Variants in KIFC3 observed in about 807,000 individuals in gnomAD.
KIFC3 encodes the protein kinesin-like protein KIFC3.
KIFC3 carries 60 observed loss-of-function variants against 101.8 expected under a neutral mutation model. That is an observed-to-expected ratio of 0.59 (90% CI 0.48 to 0.73). The LOEUF is 0.73. Among genes scored for constraint, KIFC3 ranks in the 30% least tolerant of loss-of-function variants. The pLI is 0.00. For synonymous variants in KIFC3, 476 were observed against 482.7 expected, an observed-to-expected ratio of 0.99 and a Z score of 0.18; for missense variants, 966 against 1,137.1, an observed-to-expected ratio of 0.85 and a Z score of 2.16.
Position 57,798,093 on chromosome 16 carries a change from C to G in KIFC3, c.151G>C (p.Gly51Arg), listed in dbSNP as rs782704437. ...TCACCAGTTCTCAACCTCCCCGGGC[C>G]GGTGTGTGGGAAAGGGCGGGCGGCC... ...SPAARPFPHT[G>R]PGRLRTGRGK... Residue 51 changes from glycine (G) to arginine (R), a missense_variant, in exon 2 of 20, where the codon GGC becomes CGC. Coordinates refer to ENST00000445690, the MANE Select transcript of KIFC3 (RefSeq NM_001130100.2). The G allele has an allele frequency of 7.5e-6, 12 of 1,592,302 alleles. No homozygotes were observed. Among genetic ancestry groups the G allele is most frequent in the Non-Finnish European group, 1.0e-5 (12 of 1,169,926 alleles).
In KIFC3 at chr16:57,815,653, A is replaced by C. The variant is rs1363895856; in HGVS notation, c.109-17371T>G. 7.0e-6 allele frequency: 9 copies of C among 1,289,662 alleles called. No homozygotes were observed. The East Asian group carries it at 4.4e-4, about 64-fold the overall frequency. The allele number at this position is 1,289,662 out of a possible 1,614,324, so 79.9% of individuals were successfully genotyped here. A position where few individuals can be genotyped will look rare whatever the true frequency, so the allele number is the denominator to read the frequency against. ...AACGGAGGCTCCAAAAACGTAAGTGAAGTGGGTATTCCTGCTAAACACTCC... is the reference window on the plus strand; with the variant it reads ...AACGGAGGCTCCAAAAACGTAAGTGCAGTGGGTATTCCTGCTAAACACTCC... On this transcript the variant is annotated intron_variant, in intron 1 of 2. Coordinates refer to the KIFC3 transcript ENST00000563028.
At chr16:57,783,488 T>TTA (rs2052976645) in intron 3 of KIFC3, among the ~76,000 whole-genome samples, 2 of 151,378 alleles carry the variant, frequency 1.3e-5, no homozygotes, top group African/African-American at 4.9e-5. Flanking sequence ...TTTTTTTTTT[T>TTA]TGAGACAGAG....
At chr16:57,764,272 T>TGGGG in intron 11 of KIFC3, 25 bp from the exon 12 acceptor site, 3 of 495,516 alleles carry the variant, frequency 6.1e-6, no homozygotes, top group Non-Finnish European at 8.0e-6. Context: ...GGAGGGAGGC[T>TGGGG]GGTGGGGGGG....
chr16:57,806,077 C>A (rs2054929178), upstream of KIFC3, among the ~76,000 whole-genome samples: 1 of 152,152 alleles, frequency 6.6e-6, no homozygotes, highest in Non-Finnish European at 1.5e-5. Flanking sequence ...CTTTACTGCT[C>A]AGGCATTCGT....
intron 1 of KIFC3, among the ~76,000 whole-genome samples, chr16:57,837,581 G>GAAAGAAAGAAAGAAAGAAAGAAAGAA (rs1458271827): frequency 2.8e-4 from 42 of 151,540 alleles, no homozygotes; most frequent in African/African-American, 7.6e-4. Context: ...AAGAAAGAAA[G>GAAAGAAAGAAAGAAAGAAAGAAAGAA]AGTAGCAGTA....
At chr16:57,820,818 A>G (rs1398558560) in intron 1 of KIFC3, among the ~76,000 whole-genome samples, 1 of 152,228 alleles carries the variant, frequency 6.6e-6, no homozygotes, top group Admixed American at 6.5e-5. Flanking sequence ...GAATAAATGA[A>G]TGAATTCAAT....
At chr16:57,803,010 C>T (rs1555626114), upstream of KIFC3, 10 of 1,535,802 alleles carry the variant, frequency 6.5e-6, no homozygotes, top group South Asian at 1.1e-4. Context: ...CGCTGGCGCA[C>T]ATGCACTCAC....
intron 3 of KIFC3, among the ~76,000 whole-genome samples, chr16:57,785,996 C>T (rs1264596867): frequency 3.9e-5 from 6 of 152,136 alleles, no homozygotes; most frequent in South Asian, 2.1e-4. Flanking sequence ...TGCAAGGAAT[C>T]GCAGCTGGGA....
At chr16:57,859,483 T>C (rs1324591739) in intron 1 of KIFC3, among the ~76,000 whole-genome samples, 4 of 152,190 alleles carry the variant, frequency 2.6e-5, no homozygotes, top group African/African-American at 9.7e-5. Context: ...AGAGTCTCAC[T>C]AAGGAGATAC....
intron 2 of KIFC3, 52 bp downstream of exon 2, chr16:57,798,020 T>C: frequency 6.4e-7 from 1 of 1,555,156 alleles, no homozygotes; most frequent in Non-Finnish European, 8.7e-7. Flanking sequence ...TCATCTCTGG[T>C]ATCTGGAGGA....
intron 1 of KIFC3, among the ~76,000 whole-genome samples, chr16:57,854,990 C>G (rs544935576): frequency 6.6e-6 from 1 of 151,930 alleles, no homozygotes; most frequent in Non-Finnish European, 1.5e-5. Context: ...GAAGTCAAGG[C>G]GGGAGAATCA....
At chr16:57,818,682 C>G (rs1338554572) in intron 1 of KIFC3, among the ~76,000 whole-genome samples, 1 of 152,060 alleles carries the variant, frequency 6.6e-6, no homozygotes, top group Non-Finnish European at 1.5e-5. Context: ...CTTTTGACCC[C>G]CAGATCCAGT....
In KIFC3 at chr16:57,758,298, GA is replaced by G. The variant is rs1344743172; in HGVS notation, c.*635del. ...TTCTTAAATAGGATTTCAGAGGGAA[GA>G]AAATTCGAGAGACCAGCGAGCCAGG... On this transcript the variant is annotated 3_prime_UTR_variant, in exon 20 of 20. Transcript: ENST00000445690. 4 of 244,514 alleles carry G rather than the reference GA, an allele frequency of 1.6e-5. No individual in the cohort carries two copies. Among genetic ancestry groups the G allele is most frequent in the African/African-American group, 9.3e-5 (4 of 43,070 alleles). The allele number at this position is 244,514 out of a possible 1,614,324, so 15.1% of individuals were successfully genotyped here.
chr16:57,838,136 C>T (rs1422109157), intron 1 of KIFC3, among the ~76,000 whole-genome samples: 1 of 152,118 alleles, frequency 6.6e-6, no homozygotes, highest in Non-Finnish European at 1.5e-5. Flanking sequence ...CTGTACCAAA[C>T]CACACAATGC....
At chr16:57,850,358 G>GAGCC (rs1293622524) in intron 1 of KIFC3, among the ~76,000 whole-genome samples, 1 of 149,800 alleles carries the variant, frequency 6.7e-6, no homozygotes, top group Admixed American at 6.7e-5. Flanking sequence ...AGCCATGATT[G>GAGCC]AGCCACTGGA....
At position 57,769,326 on chromosome 16, in the gene KIFC3, G is replaced by A. The variant is rs900400669; in HGVS notation, c.1218+269C>T. Among the ~76,000 whole-genome samples the A allele has an allele frequency of 3.3e-5, 5 of 152,228 alleles. No individual in the cohort carries two copies. Among genetic ancestry groups the A allele is most frequent in the African/African-American group, 9.6e-5 (4 of 41,456 alleles). On this transcript the variant is annotated intron_variant, in intron 9 of 19. Transcript: ENST00000445690. This position sits in a 1 kb window ranked among gnomAD's most constrained non-coding sequence, Gnocchi z 4.3. ...GTTGGAATTACAGGTGTGAGCCACC[G>A]CGCCTGGCCTGCATGTTTGAAATAT... is the stretch of plus-strand genomic sequence containing the variant.
At chr16:57,859,656 A>G (rs2056252588) in intron 1 of KIFC3, among the ~76,000 whole-genome samples, 1 of 152,152 alleles carries the variant, frequency 6.6e-6, no homozygotes, top group African/African-American at 2.4e-5. Flanking sequence ...CACCAGTTAC[A>G]GTGGGAGGGC....
At chr16:57,807,650 A>G (rs1351555393), upstream of KIFC3, 1 of 152,216 alleles carries the variant, frequency 6.6e-6, no homozygotes, top group African/African-American at 2.4e-5. Context: ...CAGAGAACCA[A>G]GGCAATCTTT....
intron 1 of KIFC3, among the ~76,000 whole-genome samples, chr16:57,808,408 C>T (rs1283394073): frequency 1.3e-5 from 2 of 152,088 alleles, no homozygotes; most frequent in South Asian, 2.1e-4. Context: ...TGCCGCTTCT[C>T]TCCTTGCTCC....
Sources: allele counts gnomAD v4.1 joint callset (sites outside exome capture counted in the v4.1 genomes callset), GRCh38; gene constraint gnomAD v4.1.1; non-coding constraint Gnocchi (gnomAD v3.1); transcripts MANE v1.5; gene names NCBI Gene and HGNC (gene_info 2026-07-23, HGNC 2026-07-21).